QSOX1: variants seen among roughly 807,000 people sequenced by gnomAD.
QSOX1 encodes sulfhydryl oxidase 1.
Under a neutral mutation model 76.1 loss-of-function variants are expected in QSOX1, and 40 were observed. That is an observed-to-expected ratio of 0.53 (90% confidence interval 0.41 to 0.68). QSOX1 has a LOEUF of 0.68. Among genes scored for constraint, QSOX1 ranks in the 30% least tolerant of loss-of-function variants. The pLI is 0.00. For missense variants in QSOX1, 931 were observed against 974.3 expected, an observed-to-expected ratio of 0.96 and a Z score of 0.59; for synonymous variants, 392 against 413.1, an observed-to-expected ratio of 0.95 and a Z score of 0.62.
At position 180,199,277 on chromosome 1, in the gene QSOX1, C is replaced by T. The variant is rs981219771; in HGVS notation, c.*2240C>T. On this transcript the variant is annotated 3_prime_UTR_variant, in exon 12 of 12. Transcript: ENST00000367602. ...CTGGGCCCTCCCCCACCCAGTCTGCCAGGCTGGGAGCTGGAGCTTGCTGAG... is the reference window on the plus strand; with the variant it reads ...CTGGGCCCTCCCCCACCCAGTCTGCTAGGCTGGGAGCTGGAGCTTGCTGAG... 14 of 152,302 alleles carry T rather than the reference C, an allele frequency of 9.2e-5. No individual in the cohort carries two copies. Among genetic ancestry groups the T allele is most frequent in the African/African-American group, 3.1e-4 (13 of 41,468 alleles). 9.4% of individuals were successfully genotyped at this position (152,302 alleles called of 1,614,324 possible).
intron 1 of QSOX1, among the ~76,000 whole-genome samples, chr1:180,160,991 C>G (rs1192547972): frequency 2.6e-5 from 4 of 152,072 alleles, no homozygotes; most frequent in Non-Finnish European, 5.9e-5. Context: ...AACAAGGCTA[C>G]AATCTAATAA....
chr1:180,187,690 C>G lies in QSOX1; in HGVS notation c.1017+1508C>G, dbSNP rs574980375. Among the ~76,000 whole-genome samples the G allele has an allele frequency of 5.2e-5, 8 of 152,400 alleles. No individual in the cohort carries two copies. In the East Asian group the frequency reaches 1.5e-3, roughly 29 times the overall value. The stretch of plus-strand genomic sequence containing the variant: ...CACCCCCTCTGTGCCTGCTGAGTCT[C>G]TGCCTTCAGCAAGGGCTGGGAATGA... On this transcript the variant is annotated intron_variant, in intron 8 of 11. Transcript: ENST00000367602.
chr1:180,166,431 TG>T, intron 1 of QSOX1, 59 bp from the exon 2 acceptor site: 1 of 1,389,904 alleles, frequency 7.2e-7, no homozygotes. Context: ...TTAGGGGAGA[TG>T]GGCGGGCAGA....
chr1:180,183,874 C>T (rs772327641), intron 6 of QSOX1, 42 bp from the exon 7 acceptor site: 24 of 1,585,968 alleles, frequency 1.5e-5, no homozygotes, highest in Non-Finnish European at 2.6e-6. Flanking sequence ...ATCTTGTTCT[C>T]TGCACTTACT....
chr1:180,169,390 C>T (rs148602019), intron 2 of QSOX1, among the ~76,000 whole-genome samples: 63 of 152,352 alleles, frequency 4.1e-4, no homozygotes, highest in African/African-American at 1.3e-3. Context: ...CAGGTCTTCT[C>T]TCTTCGAGGC....
rs774982349 is a variant in QSOX1, at chr1:180,197,057, GGA to G, written c.*24_*25del. On this transcript the variant is annotated 3_prime_UTR_variant, in exon 12 of 12. Coordinates refer to ENST00000367602, the MANE Select transcript of QSOX1 (RefSeq NM_002826.5). The stretch of plus-strand genomic sequence containing the variant: ...GCCTGAACCACCTGGGGAGGAGGCG[GGA>G]GAGGGAGCTGCCATCTCTAGGCACC... 6.3e-7 allele frequency: 1 copy of G among 1,588,282 alleles called. No homozygotes were observed. The highest frequency in any genetic ancestry group is 8.6e-7 in the Non-Finnish European group (1 of 1,168,112).
At chr1:180,183,818 G>A in intron 6 of QSOX1, 98 bp from the exon 7 acceptor site, 3 of 1,342,348 alleles carry the variant, frequency 2.2e-6, no homozygotes, top group South Asian at 2.8e-5. Flanking sequence ...AAACCTTCCT[G>A]TCCGATGAGC....
intron 3 of QSOX1, among the ~76,000 whole-genome samples, chr1:180,175,654 A>G (rs918669644): frequency 3.3e-5 from 5 of 152,196 alleles, no homozygotes; most frequent in East Asian, 1.9e-4. Flanking sequence ...GTTGGCGCCC[A>G]GAGAGCAGAC....
chr1:180,175,289 T>A, intron 2 of QSOX1, 32 bp from the exon 3 acceptor site: 6 of 1,612,296 alleles, frequency 3.7e-6, no homozygotes, highest in Non-Finnish European at 5.1e-6. Flanking sequence ...CCACTATCTA[T>A]TACTGATGCC....
Position 180,196,620 on chromosome 1 carries a change from G to T in QSOX1, c.1827G>T (p.Leu609=). 6.2e-7 allele frequency: 1 copy of T among 1,614,198 alleles called. No homozygotes were observed. The highest frequency in any genetic ancestry group is 8.5e-7 in the Non-Finnish European group (1 of 1,180,052). The change falls in exon 12 of 12, where the codon CTG becomes CTT. Residue 609 remains leucine, a synonymous_variant. Coordinates refer to ENST00000367602, the MANE Select transcript of QSOX1 (RefSeq NM_002826.5). The surrounding 1 kb of genome is among the most constrained non-coding windows in gnomAD (Gnocchi z 4.1). ...EGPEASRPPK[L]HPGLRAAPGQ... The stretch of plus-strand genomic sequence containing the variant: ...CTGAGGCAAGTCGACCCCCGAAGCT[G>T]CACCCTGGCCTCAGAGCTGCACCAG...
intron 10 of QSOX1, among the ~76,000 whole-genome samples, chr1:180,192,417 G>C (rs1175444744): frequency 6.6e-6 from 1 of 152,220 alleles, no homozygotes; most frequent in Non-Finnish European, 1.5e-5. Flanking sequence ...TGGAGGATGG[G>C]CTACTGCAGG....
chr1:180,186,332 GGT>G, intron 8 of QSOX1, 150 bp downstream of exon 8: 4 of 1,107,680 alleles, frequency 3.6e-6, no homozygotes, highest in Non-Finnish European at 5.1e-6. Context: ...GTCCACCATA[GGT>G]GATACCCTCC....
At chr1:180,183,887 C>A in intron 6 of QSOX1, 29 bp from the exon 7 acceptor site, 1 of 1,600,448 alleles carries the variant, frequency 6.2e-7, no homozygotes, top group Non-Finnish European at 8.5e-7. Flanking sequence ...CACTTACTGC[C>A]TCTCCTCCCT....
At chr1:180,185,200 T>C (rs976122325) in intron 7 of QSOX1, among the ~76,000 whole-genome samples, 1 of 152,128 alleles carries the variant, frequency 6.6e-6, no homozygotes, top group Admixed American at 6.5e-5. Flanking sequence ...TATTGGCTCT[T>C]TCCAACCTCA....
Position 180,198,287 on chromosome 1 carries a change from C to G in QSOX1, c.*1250C>G, listed in dbSNP as rs767989737. On this transcript the variant is annotated 3_prime_UTR_variant, in exon 12 of 12. Coordinates refer to ENST00000367602, the MANE Select transcript of QSOX1 (RefSeq NM_002826.5). ...TCCCTGAGAGCTCCTGCCTCAGTGC[C>G]CTGGGCTGGTGAGGGAGAAGCCTGT... 1 of 456,638 alleles carries G rather than the reference C, an allele frequency of 2.2e-6. No individual in the cohort carries two copies. Among genetic ancestry groups the G allele is most frequent in the South Asian group, 1.5e-5 (1 of 64,566 alleles). 28.3% of individuals were successfully genotyped at this position (456,638 alleles called of 1,614,324 possible).
At chr1:180,191,475 A>G (rs1663308937) in intron 10 of QSOX1, among the ~76,000 whole-genome samples, 1 of 152,232 alleles carries the variant, frequency 6.6e-6, no homozygotes, top group Non-Finnish European at 1.5e-5. Flanking sequence ...CGTGAATCAG[A>G]GGAACTGCCA....
rs769382481 is a variant in QSOX1 at position 180,189,536 on chromosome 1, T to C, written c.1018-16T>C. The C allele has an allele frequency of 3.3e-6, 5 of 1,515,402 alleles. No individual in the cohort carries two copies. The Admixed American group carries it at 5.3e-5, about 16-fold the overall frequency. 93.9% of individuals were successfully genotyped at this position (1,515,402 alleles called of 1,614,324 possible). Reference sequence around the variant, plus strand: ...TTGCTTTTCACTCTCCAGCTTCCGCTTGTTCCTCCCCACAGTATTTCCCTG... The same window carrying C: ...TTGCTTTTCACTCTCCAGCTTCCGCCTGTTCCTCCCCACAGTATTTCCCTG... On this transcript the variant is annotated splice_polypyrimidine_tract_variant and intron_variant, in intron 8 of 11. Transcript: ENST00000367602.
rs74997002 is a variant in QSOX1, at chr1:180,182,208, C to T, written c.641C>T (p.Ala214Val). 1.9e-4 allele frequency: 303 copies of T among 1,614,202 alleles called. No individual in the cohort carries two copies. The highest frequency in any genetic ancestry group is 1.6e-3 in the African/African-American group (121 of 75,050). ...GACCTGTCCCAGCACAAAGGCGTGG[C>T]GGTGCGCAGGGTGCTGAACACAGAG... ...ALDLSQHKGV[A>V]VRRVLNTEAN... Residue 214 changes from alanine (A) to valine (V), a missense_variant, in exon 6 of 12, where the codon GCG becomes GTG. By Grantham distance (64) the Ala-to-Val change is moderately conservative (BLOSUM62 0). Transcript: ENST00000367602.
chr1:180,163,756 T>C (rs1662546090), intron 1 of QSOX1, among the ~76,000 whole-genome samples: 1 of 152,212 alleles, frequency 6.6e-6, no homozygotes. Context: ...TTGTAGATTT[T>C]CTTCTAAAGT....
Sources: gnomAD v4.1 joint callset for allele counts (sites outside exome capture counted in the v4.1 genomes callset) on GRCh38, gnomAD v4.1.1 for gene constraint, Gnocchi (gnomAD v3.1) non-coding constraint, MANE v1.5 for transcripts, NCBI Gene and HGNC (gene_info 2026-07-23, HGNC 2026-07-21) for gene names.